Variants in SACS observed in about 807,000 individuals in gnomAD.
SACS encodes the protein sacsin.
SACS carries 197 observed loss-of-function variants against 348.0 expected under a neutral mutation model. The ratio of observed to expected loss-of-function variants is 0.57; its 90% confidence interval spans 0.50 to 0.64. The LOEUF is 0.64. Among genes scored for constraint, SACS ranks in the 30% least tolerant of loss-of-function variants. SACS has a pLI of 0.00. For synonymous variants in SACS, 1,985 were observed against 1,910.6 expected, an observed-to-expected ratio of 1.04 and a Z score of -1.02; for missense variants, 4,999 against 5,360.8, an observed-to-expected ratio of 0.93 and a Z score of 2.11.
chr13:23,392,123 G>C (rs34494544), intron 2 of SACS, among the ~76,000 whole-genome samples: 2,462 of 152,316 alleles, frequency 0.016, 38 homozygotes, highest in Non-Finnish European at 0.022. Context: ...GAGGACCTCA[G>C]ACGGTCAGGA....
At chr13:23,372,336 G>A (rs763929470) in intron 3 of SACS, among the ~76,000 whole-genome samples, 13 of 152,128 alleles carry the variant, frequency 8.5e-5, no homozygotes, top group South Asian at 4.1e-4. Context: ...TAACACAGCG[G>A]CTCAATAAAT....
At chr13:23,410,118 A>G (rs1188852446) in intron 2 of SACS, among the ~76,000 whole-genome samples, 1 of 152,208 alleles carries the variant, frequency 6.6e-6, no homozygotes, top group Non-Finnish European at 1.5e-5. Context: ...AGAAGGTTTA[A>G]AAAAATGTAC....
chr13:23,426,434 A>T (rs1727523382), intron 1 of SACS, among the ~76,000 whole-genome samples: 1 of 152,176 alleles, frequency 6.6e-6, no homozygotes, highest in South Asian at 2.1e-4. Context: ...TGAGGTCAGG[A>T]GTTCAAGACC....
chr13:23,335,664 G>T lies in SACS; in HGVS notation c.8212C>A (p.Leu2738Ile), dbSNP rs1868517926. ...DKLRSDGAELLMFLNHMEKIS... is the reference protein window; with the variant it reads ...DKLRSDGAELIMFLNHMEKIS... ...TTTTCCATGTGATTAAGAAACATTAGAAGTTCTGCCCCATCTGAGCGCAGT... is the reference window on the plus strand; with the variant it reads ...TTTTCCATGTGATTAAGAAACATTATAAGTTCTGCCCCATCTGAGCGCAGT... The change falls in exon 10 of 10, where the codon CTA becomes ATA. Residue 2738 changes from leucine to isoleucine, a missense_variant. Physicochemically the swap from Leu to Ile is conservative, Grantham distance 5. Coordinates refer to ENST00000382292, the MANE Select transcript of SACS (RefSeq NM_014363.6). The surrounding 1 kb of genome is among the most constrained non-coding windows in gnomAD (Gnocchi z 4.7). 6.2e-7 allele frequency: 1 copy of T among 1,613,878 alleles called. No individual in the cohort carries two copies. The highest frequency in any genetic ancestry group is 8.5e-7 in the Non-Finnish European group (1 of 1,179,924).
At position 23,330,071 on chromosome 13, in the gene SACS, G is replaced by A; in HGVS notation, c.*65C>T. 2.1e-6 allele frequency: 3 copies of A among 1,410,676 alleles called. No individual in the cohort carries two copies. The highest frequency in any genetic ancestry group is 2.4e-5 in the South Asian group (2 of 84,266). 87.4% of individuals were successfully genotyped at this position (1,410,676 alleles called of 1,614,324 possible). A position where few individuals can be genotyped will look rare whatever the true frequency, so the allele number is the denominator to read the frequency against. ...TAGCTAATTGGCAATGAAGCTTAAT[G>A]AAGTACAGCAATTTATTCGTGCTAC... is the stretch of plus-strand genomic sequence containing the variant. On this transcript the variant is annotated 3_prime_UTR_variant, in exon 10 of 10. Transcript: ENST00000382292.
rs1330036755 is a variant in SACS at position 23,339,094 on chromosome 13, G to C, written c.4782C>G (p.Asp1594Glu). The C allele has an allele frequency of 3.7e-6, 6 of 1,611,184 alleles. No individual in the cohort carries two copies. Among genetic ancestry groups the C allele is most frequent in the Non-Finnish European group, 5.1e-6 (6 of 1,178,610 alleles). ...TAATTTTGATCCCAGGATTGGATTT[G>C]TCTTTAATGTGTTTACTGATATGAT... The part of the protein sequence containing the change: ...NINHISKHIK[D>E]KSNPGIKINW... The change falls in exon 10 of 10, where the codon GAC becomes GAG. Residue 1594 changes from aspartate to glutamate, a missense_variant. Physicochemically the swap from Asp to Glu is conservative, Grantham distance 45. This residue lies in a region of SACS where 3,156 missense variants were observed against 3,380.1 expected (regional missense o/e 0.93). Coordinates refer to ENST00000382292, the MANE Select transcript of SACS (RefSeq NM_014363.6).
chr13:23,406,820 A>C (rs548354140), intron 2 of SACS, among the ~76,000 whole-genome samples: 12 of 152,332 alleles, frequency 7.9e-5, no homozygotes, highest in African/African-American at 2.4e-4. Context: ...GTCAATGAAA[A>C]CAATCTTACT....
In SACS at chr13:23,331,790, G is replaced by C. The variant is rs200620627; in HGVS notation, c.12086C>G (p.Ala4029Gly). ...MKHENDNAFL[A>G]NEEKAIRLCK... The stretch of plus-strand genomic sequence containing the variant: ...AAGTCTTATGGCTTTTTCTTCATTG[G>C]CCAGAAAAGCATTATCATTTTCATG... Residue 4029 changes from alanine to glycine, a missense_variant, in exon 10 of 10, where the codon GCC becomes GGC. This residue lies in a region of SACS where 831 missense variants were observed against 941.8 expected (regional missense o/e 0.88). Coordinates refer to ENST00000382292, the MANE Select transcript of SACS (RefSeq NM_014363.6). 1.4e-5 allele frequency: 22 copies of C among 1,613,634 alleles called. No homozygotes were observed. The highest frequency in any genetic ancestry group is 9.3e-6 in the Non-Finnish European group (11 of 1,179,898).
intron 1 of SACS, among the ~76,000 whole-genome samples, chr13:23,425,781 A>G: frequency 6.6e-6 from 1 of 151,836 alleles, no homozygotes; most frequent in Non-Finnish European, 1.5e-5. Context: ...CCGAAGCTCC[A>G]CCCCGCCTGA....
intron 4 of SACS, among the ~76,000 whole-genome samples, chr13:23,369,306 T>C (rs1035110907): frequency 1.3e-5 from 2 of 152,162 alleles, no homozygotes; most frequent in African/African-American, 2.4e-5. Flanking sequence ...AAACTAGATA[T>C]TCTTAGACCA....
chr13:23,358,777 C>G (rs371145646), intron 6 of SACS, among the ~76,000 whole-genome samples: 1 of 152,138 alleles, frequency 6.6e-6, no homozygotes, highest in Non-Finnish European at 1.5e-5. Context: ...AGTTACTACT[C>G]TACGTGAAAT....
intron 2 of SACS, among the ~76,000 whole-genome samples, chr13:23,390,375 C>A (rs1047047584): frequency 1.3e-5 from 2 of 152,160 alleles, no homozygotes; most frequent in Admixed American, 1.3e-4. Flanking sequence ...CATTTAAAAT[C>A]CTGGCTGGGC....
rs1085307569 is a variant in SACS, at chr13:23,334,590, C to T, written c.9286G>A (p.Ala3096Thr). ...GTCATTAAAAAAGATCTGATATCAG[C>T]AGGGGTCACATAACTAACAGGAATA... ...ADIPVSYVTP[A>T]DIRSFLMTFS... The change falls in exon 10 of 10, where the codon GCT (alanine) becomes ACT (threonine). Residue 3096 changes from alanine (A) to threonine (T), a missense_variant. Transcript: ENST00000382292. The T allele has an allele frequency of 6.2e-7, 1 of 1,613,490 alleles. No individual in the cohort carries two copies. Among genetic ancestry groups the T allele is most frequent in the Non-Finnish European group, 8.5e-7 (1 of 1,179,754 alleles).
intron 2 of SACS, among the ~76,000 whole-genome samples, chr13:23,386,276 G>A (rs528465950): frequency 6.6e-6 from 1 of 152,254 alleles, no homozygotes; most frequent in Admixed American, 6.5e-5. Flanking sequence ...CTGTTGCTTA[G>A]TGTAGTCACC....
intron 9 of SACS, among the ~76,000 whole-genome samples, chr13:23,347,922 A>G (rs891993853): frequency 5.9e-5 from 9 of 152,220 alleles, no homozygotes; most frequent in African/African-American, 2.2e-4. Context: ...AGGCATCTTC[A>G]TAACACCCAG....
rs116791509 is a variant in SACS, at chr13:23,332,188, C to T, written c.11688G>A (p.Arg3896=). 7.3e-4 allele frequency: 1,176 copies of T among 1,614,002 alleles called. 6 individuals are homozygous for T. The African/African-American group carries it at 0.014, about 20-fold the overall frequency. The change falls in exon 10 of 10, where the codon AGG becomes AGA. Residue 3896 remains arginine, a synonymous_variant. Transcript: ENST00000382292. ...RSLQNDSVKV[R]SDLENVRDLA... is the part of the protein sequence containing the mutation. ...GGTCTCGTACATTCTCGAGATCACT[C>T]CTCACCTTGACTGAATCATTCTGTA...
rs1450424687 is a variant in SACS at position 23,339,979 on chromosome 13, G to A, written c.3897C>T (p.Asp1299=). The A allele has an allele frequency of 3.1e-6, 5 of 1,613,548 alleles. No homozygotes were observed. Among genetic ancestry groups the A allele is most frequent in the Admixed American group, 1.7e-5 (1 of 59,926 alleles). Residue 1299 remains aspartate, a synonymous_variant, in exon 10 of 10, where the codon GAC becomes GAT. Transcript: ENST00000382292. The stretch of plus-strand genomic sequence containing the variant: ...GTACATTATGCAAATAAGGCTGAAG[G>A]TCAAGATCATGGATTGGTTTAATCA... ...QAVIKPIHDL[D]LQPYLHNVPK...
intron 7 of SACS, among the ~76,000 whole-genome samples, chr13:23,357,594 C>A (rs17378869): frequency 0.098 from 14,913 of 152,178 alleles, 1,062 homozygotes; most frequent in Non-Finnish European, 0.15. Flanking sequence ...CCTGCCTGTG[C>A]AATCTTTCCT....
intron 1 of SACS, among the ~76,000 whole-genome samples, chr13:23,425,656 C>T (rs1874138778): frequency 6.6e-6 from 1 of 152,150 alleles, no homozygotes; most frequent in South Asian, 2.1e-4. Flanking sequence ...GGAATTCACC[C>T]TTCTGCACAT....
Sources: allele counts gnomAD v4.1 joint callset (sites outside exome capture counted in the v4.1 genomes callset), GRCh38; gene constraint gnomAD v4.1.1; regional missense constraint gnomAD v4.1.1; non-coding constraint Gnocchi (gnomAD v3.1); transcripts MANE v1.5; gene names NCBI Gene and HGNC (gene_info 2026-07-23, HGNC 2026-07-21).